The following ANGEL1 variants were observed in gnomAD, a reference collection of about 807,000 sequenced individuals.
The protein encoded by ANGEL1 is RNA 2',3'-cyclic phosphatase ANGEL1.
ANGEL1 carries 62 observed loss-of-function variants against 76.4 expected under a neutral mutation model. That is an observed-to-expected ratio of 0.81 (90% CI 0.66 to 1.00). The LOEUF is 1.00. Ranked by LOEUF, ANGEL1 falls within the 50% of genes least tolerant of loss-of-function variation. ANGEL1 has a pLI of 0.00. For synonymous variants in ANGEL1, 340 were observed against 331.7 expected (o/e 1.03, Z -0.27); for missense variants, 737 against 836.7 (o/e 0.88, Z 1.47).
chr14:76,796,656 C>G (rs1894587423), intron 7 of ANGEL1, among the ~76,000 whole-genome samples: 1 of 152,150 alleles, frequency 6.6e-6, no homozygotes, highest in African/African-American at 2.4e-5. Flanking sequence ...AATGTCTTCT[C>G]TGCTGTCAAT....
chr14:76,811,405 TTGG>T (rs35281185), intron 1 of ANGEL1, among the ~76,000 whole-genome samples: 4 of 151,192 alleles, frequency 2.6e-5, no homozygotes, highest in South Asian at 2.1e-4. Flanking sequence ...TAGATGTCTT[TTGG>T]TGGTGGTGGT....
chr14:76,807,017 C>A (rs192072258), intron 4 of ANGEL1, among the ~76,000 whole-genome samples, 168 bp from the exon 5 acceptor site: 1 of 152,172 alleles, frequency 6.6e-6, no homozygotes, highest in Non-Finnish European at 1.5e-5. Flanking sequence ...TACATCGTAA[C>A]CAGCTGACTG....
chr14:76,801,880 A>G (rs1420417603), intron 7 of ANGEL1, among the ~76,000 whole-genome samples: 1 of 152,094 alleles, frequency 6.6e-6, no homozygotes, highest in Non-Finnish European at 1.5e-5. Flanking sequence ...TTCTTGGCCC[A>G]GCGCGGTGGC....
Position 76,809,594 on chromosome 14 carries a change from G to A in ANGEL1, c.114C>T (p.Ser38=). The change falls in exon 2 of 10, where the codon TCC becomes TCT. Residue 38 remains serine, a synonymous_variant. Coordinates refer to ENST00000251089, the MANE Select transcript of ANGEL1 (RefSeq NM_015305.4). ...TGGCAAAGTCGCCCTCTACCTGGGGGGATGAGCTGTTCGCCAGAAGGACAT... is the reference window on the plus strand; with the variant it reads ...TGGCAAAGTCGCCCTCTACCTGGGGAGATGAGCTGTTCGCCAGAAGGACAT... ...RKNVLLANSS[S]PQVEGDFAMA... 6.2e-7 allele frequency: 1 copy of A among 1,613,938 alleles called. No individual in the cohort carries two copies. The highest frequency in any genetic ancestry group is 8.5e-7 in the Non-Finnish European group (1 of 1,179,930).
rs200752221 is a variant in ANGEL1 at position 76,789,340 on chromosome 14, G to C, written c.1901C>G (p.Ser634Cys). The C allele has an allele frequency of 6.2e-7, 1 of 1,614,240 alleles. No individual in the cohort carries two copies. The highest frequency in any genetic ancestry group is 1.3e-5 in the African/African-American group (1 of 75,060). ...CCAGAGTATCTCTTCAGAGAGAAGG[G>C]AGAGACGACCCAGGAGCTTGAGAGT... ...DGTLKLLGRL[S>C]LLSEEILWAA... The change falls in exon 10 of 10, where the codon TCC becomes TGC. Residue 634 changes from serine to cysteine, a missense_variant. Ser to Cys is a moderately radical substitution (Grantham distance 112, BLOSUM62 -1). Coordinates refer to ENST00000251089, the MANE Select transcript of ANGEL1 (RefSeq NM_015305.4).
chr14:76,787,235 GAAC>G lies in ANGEL1; in HGVS notation c.*1990_*1992del, dbSNP rs1229475745. 1 of 151,994 alleles carries G rather than the reference GAAC, an allele frequency of 6.6e-6. No homozygotes were observed. The highest frequency in any genetic ancestry group is 1.5e-5 in the Non-Finnish European group (1 of 67,990). The allele number at this position is 151,994 out of a possible 1,614,324, so 9.4% of individuals were successfully genotyped here. On this transcript the variant is annotated 3_prime_UTR_variant, in exon 10 of 10. Coordinates refer to ENST00000251089, the MANE Select transcript of ANGEL1 (RefSeq NM_015305.4). ...AATCCCTTCAGGATCCTAATAAAAT[GAAC>G]AACATTGGGGGGAAAAAAGGTAAAC...
chr14:76,791,382 G>C lies in ANGEL1; in HGVS notation c.1619-16C>G. The C allele has an allele frequency of 6.2e-7, 1 of 1,612,830 alleles. No individual in the cohort carries two copies. The highest frequency in any genetic ancestry group is 8.5e-7 in the Non-Finnish European group (1 of 1,179,246). On this transcript the variant is annotated splice_polypyrimidine_tract_variant and intron_variant, in intron 7 of 9. Transcript: ENST00000251089. ...GCAGGTCGCTCTGCAGAGGACCAGAGAGAAAAACATTTTCTCATCCACAGA... is the reference window on the plus strand; with the variant it reads ...GCAGGTCGCTCTGCAGAGGACCAGACAGAAAAACATTTTCTCATCCACAGA...
At position 76,791,384 on chromosome 14, in the gene ANGEL1, G is replaced by A; in HGVS notation, c.1619-18C>T. On this transcript the variant is annotated intron_variant, in intron 7 of 9. Coordinates refer to ENST00000251089, the MANE Select transcript of ANGEL1 (RefSeq NM_015305.4). ...AGGTCGCTCTGCAGAGGACCAGAGA[G>A]AAAAACATTTTCTCATCCACAGACA... is the stretch of plus-strand genomic sequence containing the variant. The A allele has an allele frequency of 6.2e-7, 1 of 1,612,154 alleles. No individual in the cohort carries two copies. Among genetic ancestry groups the A allele is most frequent in the Non-Finnish European group, 8.5e-7 (1 of 1,179,006 alleles).
At chr14:76,808,404 G>A (rs963817769) in intron 2 of ANGEL1, among the ~76,000 whole-genome samples, 3 of 152,010 alleles carry the variant, frequency 2.0e-5, no homozygotes, top group African/African-American at 7.3e-5. Flanking sequence ...CTCCATATAT[G>A]GAAGCTGACA....
chr14:76,811,906 T>C (rs1895098609), intron 1 of ANGEL1, among the ~76,000 whole-genome samples: 1 of 152,170 alleles, frequency 6.6e-6, no homozygotes. Flanking sequence ...GTACCAATTG[T>C]GTAAAGTTCC....
intron 1 of ANGEL1, chr14:76,812,325 C>G: frequency 9.9e-7 from 1 of 1,007,264 alleles, no homozygotes; most frequent in Non-Finnish European, 1.2e-6. Flanking sequence ...TCGGTGCGTC[C>G]AGTACTTCGG....
At chr14:76,793,912 G>T (rs192940498) in intron 7 of ANGEL1, among the ~76,000 whole-genome samples, 5 of 152,062 alleles carry the variant, frequency 3.3e-5, no homozygotes, top group Non-Finnish European at 5.9e-5. Flanking sequence ...GAATGTGGTC[G>T]CTCTCTCCCT....
intron 2 of ANGEL1, 98 bp downstream of exon 2, chr14:76,808,961 C>T: frequency 8.6e-7 from 1 of 1,162,912 alleles, no homozygotes; most frequent in Non-Finnish European, 1.2e-6. Context: ...AATGCAGTGG[C>T]AGAGCTCCCT....
At chr14:76,803,988 G>A (rs1894842079) in intron 5 of ANGEL1, 76 bp from the exon 6 acceptor site, 1 of 1,613,462 alleles carries the variant, frequency 6.2e-7, no homozygotes. Flanking sequence ...TTTGGGACAT[G>A]TGGACAAATA....
chr14:76,803,708 T>C, intron 6 of ANGEL1, 78 bp downstream of exon 6: 1 of 1,529,836 alleles, frequency 6.5e-7, no homozygotes, highest in Non-Finnish European at 8.8e-7. Flanking sequence ...ATTACACTTT[T>C]TCTTGTCGTT....
chr14:76,790,407 T>C (rs1228764909), intron 9 of ANGEL1, among the ~76,000 whole-genome samples: 1 of 152,186 alleles, frequency 6.6e-6, no homozygotes, highest in Non-Finnish European at 1.5e-5. Context: ...CTCCTCTCTT[T>C]AATGCTGCAA....
chr14:76,812,218 G>A, intron 1 of ANGEL1: 1 of 983,410 alleles, frequency 1.0e-6, no homozygotes, highest in Non-Finnish European at 1.2e-6. Flanking sequence ...ATCTAAATGT[G>A]TCTCTGATTG....
intron 7 of ANGEL1, among the ~76,000 whole-genome samples, chr14:76,801,264 C>A (rs1398714145): frequency 6.6e-6 from 1 of 151,992 alleles, no homozygotes; most frequent in Non-Finnish European, 1.5e-5. Context: ...GCATGCATCA[C>A]CATGCCTGGC....
rs968269513 is a variant in ANGEL1, at chr14:76,808,100, T to C, written c.698A>G (p.Gln233Arg). ...WEDFSTQPDA[Q>R]GLKAGDGPQF... Reference sequence around the variant, plus strand: ...AGGGCCATCTCCTGCCTTCAGGCCCTGAGCATCTGGCTGGGTGGAGAAATC... The same window carrying C: ...AGGGCCATCTCCTGCCTTCAGGCCCCGAGCATCTGGCTGGGTGGAGAAATC... Residue 233 changes from glutamine (Q) to arginine (R), a missense_variant, in exon 3 of 10, where the codon CAG becomes CGG. By Grantham distance (43) the Gln-to-Arg change is conservative. Transcript: ENST00000251089. 2 of 1,613,836 alleles carry C rather than the reference T, an allele frequency of 1.2e-6. No individual in the cohort carries two copies. Among genetic ancestry groups the C allele is most frequent in the Non-Finnish European group, 1.7e-6 (2 of 1,180,048 alleles).
Sources: gnomAD v4.1 joint callset for allele counts (sites outside exome capture counted in the v4.1 genomes callset) on GRCh38, gnomAD v4.1.1 for gene constraint, MANE v1.5 for transcripts, NCBI Gene and HGNC (gene_info 2026-07-23, HGNC 2026-07-21) for gene names.